The following KCNIP4 variants were observed in gnomAD, a reference collection of about 807,000 sequenced individuals.
The protein encoded by KCNIP4 is potassium voltage-gated channel interacting protein 4.
In KCNIP4, 12 loss-of-function variants were observed where a neutral mutation model predicts 34.0. The observed-to-expected ratio is 0.35, with a 90% CI of 0.23 to 0.57. KCNIP4 has a LOEUF of 0.57. Ranked by LOEUF, KCNIP4 falls within the 20% of genes least tolerant of loss-of-function variation. KCNIP4 has a pLI of 0.83. For synonymous variants in KCNIP4, 124 were observed against 102.2 expected, an observed-to-expected ratio of 1.21 and a Z score of -1.29; for missense variants, 238 against 311.7, an observed-to-expected ratio of 0.76 and a Z score of 1.78.
chr4:21,522,689 G>A (rs755457159), intron 1 of KCNIP4, among the ~76,000 whole-genome samples: 11 of 151,650 alleles, frequency 7.3e-5, no homozygotes, highest in Admixed American at 5.3e-4. Context: ...ACCTCTACTA[G>A]TTACTACCTG....
intron 1 of KCNIP4, chr4:21,582,022 AGAATAGAATGGAATG>A (rs1560534494): frequency 3.3e-5 from 3 of 91,620 alleles, no homozygotes; most frequent in Non-Finnish European, 6.4e-5. Flanking sequence ...AGAATAGAAT[AGAATAGAATGGAATG>A]GAATGGAATG....
chr4:21,826,486 A>G (rs1040370240), intron 1 of KCNIP4, among the ~76,000 whole-genome samples: 4 of 152,138 alleles, frequency 2.6e-5, no homozygotes, highest in African/African-American at 9.7e-5. Flanking sequence ...CAGTAACAAC[A>G]ATAAAAAAAA....
At chr4:20,753,617 G>A (rs7689421) in intron 4 of KCNIP4, among the ~76,000 whole-genome samples, 75,033 of 151,816 alleles carry the variant, frequency 0.49, 18,978 homozygotes, top group Middle Eastern at 0.56. Context: ...TCAAGCACGA[G>A]GAATAGAATC....
chr4:21,602,933 T>G (rs1577675442), intron 1 of KCNIP4, among the ~76,000 whole-genome samples: 1 of 152,200 alleles, frequency 6.6e-6, no homozygotes, highest in African/African-American at 2.4e-5. Flanking sequence ...ATGAATAAGA[T>G]ATAATGTCCA....
chr4:21,865,986 C>T (rs1725391544), intron 1 of KCNIP4, among the ~76,000 whole-genome samples: 1 of 151,222 alleles, frequency 6.6e-6, no homozygotes, highest in African/African-American at 2.4e-5. Flanking sequence ...TGGCATCTAT[C>T]TATGAAGTGA....
chr4:20,889,766 T>C (rs1384680184), intron 1 of KCNIP4, among the ~76,000 whole-genome samples: 1 of 119,386 alleles, frequency 8.4e-6, no homozygotes, highest in African/African-American at 3.8e-5. Context: ...AACTGGAAGT[T>C]CAAAAAAAAA....
chr4:21,577,073 A>G (rs761042341), intron 1 of KCNIP4, among the ~76,000 whole-genome samples: 1 of 152,126 alleles, frequency 6.6e-6, no homozygotes, highest in Non-Finnish European at 1.5e-5. Flanking sequence ...CACCCCATAA[A>G]TGAATACCAA....
rs11946026 is a variant in KCNIP4, at chr4:20,808,712, A to C, written c.288+41831T>G. 1.2e-3 allele frequency among the ~76,000 whole-genome samples: 188 copies of C among 152,222 alleles called. 1 individual carries two copies. The highest frequency in any genetic ancestry group is 4.5e-3 in the African/African-American group (185 of 41,552). On this transcript the variant is annotated intron_variant, in intron 3 of 8. Transcript: ENST00000382152. ...AAGGAGTAGCAGTTCCATACGCTGG[A>C]TGGATTGAGGAATTTCCCATTATTG...
At chr4:21,842,200 T>C (rs1012910618) in intron 1 of KCNIP4, among the ~76,000 whole-genome samples, 32 of 152,160 alleles carry the variant, frequency 2.1e-4, no homozygotes, top group African/African-American at 7.7e-4. Context: ...ATGCAGAAAG[T>C]TGATTCAGAG....
chr4:21,765,759 C>A (rs1456737691), intron 1 of KCNIP4, among the ~76,000 whole-genome samples: 5 of 147,392 alleles, frequency 3.4e-5, no homozygotes, highest in Admixed American at 1.4e-4. Context: ...AGCCACCTGC[C>A]TGGCTGAGGG....
chr4:21,631,963 T>G (rs1745794806), intron 1 of KCNIP4, among the ~76,000 whole-genome samples: 1 of 152,212 alleles, frequency 6.6e-6, no homozygotes, highest in Admixed American at 6.5e-5. Context: ...TTGCTCTAAC[T>G]TCCCATCCAT....
chr4:21,829,467 A>T (rs1234264481), intron 1 of KCNIP4, among the ~76,000 whole-genome samples: 3 of 152,074 alleles, frequency 2.0e-5, no homozygotes. Context: ...ATACAAATTG[A>T]GTGTAGATTT....
intron 2 of KCNIP4, among the ~76,000 whole-genome samples, chr4:20,854,446 C>A (rs142564310): frequency 6.6e-6 from 1 of 152,062 alleles, no homozygotes; most frequent in Non-Finnish European, 1.5e-5. Context: ...GCTATGAGAA[C>A]GCAAAGGCAT....
intron 1 of KCNIP4, among the ~76,000 whole-genome samples, chr4:21,911,655 C>G (rs75977780): frequency 0.27 from 36,551 of 137,138 alleles, 5,489 homozygotes; most frequent in East Asian, 0.62. Context: ...CACACACACA[C>G]AGAGTCTGGT....
intron 1 of KCNIP4, among the ~76,000 whole-genome samples, chr4:20,905,063 A>C (rs1727589518): frequency 6.6e-6 from 1 of 152,228 alleles, no homozygotes; most frequent in African/African-American, 2.4e-5. Context: ...TGCTGAAATG[A>C]CATTTTGCAT....
In KCNIP4 at chr4:21,238,645, A is replaced by C. The variant is rs375397167; in HGVS notation, c.62-355936T>G. 2.9e-3 allele frequency among the ~76,000 whole-genome samples: 439 copies of C among 152,312 alleles called. 2 individuals are homozygous for C. Among genetic ancestry groups the C allele is most frequent in the Middle Eastern group, 0.01 (3 of 294 alleles). The stretch of plus-strand genomic sequence containing the variant: ...CATTCACAATTGCTTCAAAGAGAAT[A>C]AAATACCTAGGAATCCAACTTACAA... On this transcript the variant is annotated intron_variant, in intron 1 of 8. Coordinates refer to ENST00000382152, the MANE Select transcript of KCNIP4 (RefSeq NM_025221.6).
intron 2 of KCNIP4, among the ~76,000 whole-genome samples, chr4:20,861,374 C>G (rs1722179375): frequency 6.6e-6 from 1 of 152,128 alleles, no homozygotes; most frequent in African/African-American, 2.4e-5. Context: ...AGTATAGAAG[C>G]AATTAATTCC....
At chr4:20,824,340 C>T (rs1028115179) in intron 3 of KCNIP4, among the ~76,000 whole-genome samples, 23 of 152,068 alleles carry the variant, frequency 1.5e-4, no homozygotes, top group African/African-American at 5.3e-4. Flanking sequence ...CAAGTAGGCA[C>T]AAAAATTAGC....
chr4:21,485,928 T>C (rs1350163487), intron 1 of KCNIP4, among the ~76,000 whole-genome samples: 1 of 152,024 alleles, frequency 6.6e-6, no homozygotes, highest in Non-Finnish European at 1.5e-5. Context: ...CTTTAATCAC[T>C]AGTTTTGTGA....
Sources: allele counts gnomAD v4.1 joint callset (sites outside exome capture counted in the v4.1 genomes callset), GRCh38; gene constraint gnomAD v4.1.1; transcripts MANE v1.5; gene names NCBI Gene and HGNC (gene_info 2026-07-23, HGNC 2026-07-21).